IL1RAPL2: variants seen among roughly 807,000 people sequenced by gnomAD.
The protein encoded by IL1RAPL2 is interleukin 1 receptor accessory protein like 2, also known as X-linked interleukin-1 receptor accessory protein-like 2.
IL1RAPL2 carries 3 observed loss-of-function variants against 44.1 expected under a neutral mutation model. The ratio of observed to expected loss-of-function variants is 0.07; its 90% confidence interval spans 0.03 to 0.18. The LOEUF (loss-of-function observed/expected upper bound fraction) is 0.18, where lower values mean the gene tolerates loss of function less well. Among genes scored for constraint, IL1RAPL2 ranks in the 10% least tolerant of loss-of-function variants. The probability of loss-of-function intolerance (pLI) is 1.00; values close to 1 mark genes in which losing one functional copy is unlikely to be tolerated. For synonymous variants in IL1RAPL2, 181 were observed against 178.8 expected (o/e 1.01, Z -0.10); for missense variants, 391 against 496.4 (o/e 0.79, Z 2.02).
rs182949730 is a variant in IL1RAPL2 at position 105,608,772 on chromosome X, A to G, written c.773-108595A>G. On this transcript the variant is annotated intron_variant, in intron 6 of 10. Coordinates refer to ENST00000372582, the MANE Select transcript of IL1RAPL2 (RefSeq NM_017416.2). ...GCATGGCTAACCTAATTATTTACTA[A>G]CTTTAAGTAATTTATTATACTTAAA... is the stretch of plus-strand genomic sequence containing the variant. Among the ~76,000 whole-genome samples the G allele has an allele frequency of 9.8e-5, 11 of 112,172 alleles. No homozygotes were observed. In the East Asian group the frequency reaches 2.0e-3, roughly 20 times the overall value.
rs61197175 is a variant in IL1RAPL2, at chrX:104,748,932, TAGAA to T, written c.82+89941_82+89944del. 6.3e-3 allele frequency among the ~76,000 whole-genome samples: 696 copies of T among 111,191 alleles called. 3 individuals carry two copies. The highest frequency in any genetic ancestry group is 0.022 in the African/African-American group (660 of 30,661). ...TCAGATCTGCTGAGCACTGGAAAGTTAGAAAGATCTCAGTTCTTATATAGGGCCC... is the reference window on the plus strand; with the variant it reads ...TCAGATCTGCTGAGCACTGGAAAGTTAGATCTCAGTTCTTATATAGGGCCC... On this transcript the variant is annotated intron_variant, in intron 2 of 10. Coordinates refer to ENST00000372582, the MANE Select transcript of IL1RAPL2 (RefSeq NM_017416.2).
At chrX:105,527,436 T>TTGTG (rs10687485) in intron 6 of IL1RAPL2, among the ~76,000 whole-genome samples, 3,483 of 95,574 alleles carry the variant, frequency 0.036, 71 homozygotes, top group African/African-American at 0.06. Context: ...TGAGAGTGTG[T>TTGTG]TGTGTGTGTG....
At chrX:105,078,633 G>T (rs1280172081) in intron 2 of IL1RAPL2, among the ~76,000 whole-genome samples, 1 of 112,720 alleles carries the variant, frequency 8.9e-6, no homozygotes, top group Non-Finnish European at 1.9e-5. Context: ...CCCCAGAGGT[G>T]GAGCCTACAG....
At chrX:105,434,114 G>A (rs1038718970) in intron 5 of IL1RAPL2, among the ~76,000 whole-genome samples, 1 of 111,638 alleles carries the variant, frequency 9.0e-6, no homozygotes, top group African/African-American at 3.3e-5. Flanking sequence ...CTAAATAAGC[G>A]CATGAAAAGA....
At chrX:105,073,541 A>G (rs962476174) in intron 2 of IL1RAPL2, among the ~76,000 whole-genome samples, 1 of 110,627 alleles carries the variant, frequency 9.0e-6, no homozygotes, top group African/African-American at 3.3e-5. Context: ...ATGATTTATA[A>G]TCCTTTGGGT....
chrX:104,710,315 C>T (rs1332115353), intron 2 of IL1RAPL2, among the ~76,000 whole-genome samples: 5 of 111,091 alleles, frequency 4.5e-5, no homozygotes, highest in East Asian at 5.6e-4. Flanking sequence ...TAAAAGGTAA[C>T]GTACAATGTG....
rs1928500944 is a variant in IL1RAPL2 at position 104,585,277 on chromosome X, AT to A, written c.-20+18227del. On this transcript the variant is annotated intron_variant, in intron 1 of 10. Transcript: ENST00000372582. ...ATAATATATATATAATATATTATAT[AT>A]ATTATATAATATATTATATATTATA... Among the ~76,000 whole-genome samples the A allele has an allele frequency of 1.7e-4, 3 of 18,136 alleles. No individual in the cohort carries two copies. The African/African-American group carries it at 1.7e-3, about 10-fold the overall frequency. The allele number at this position is 18,136 out of a possible 115,157, so 15.7% of individuals were successfully genotyped here. A position where few individuals can be genotyped will look rare whatever the true frequency, so the allele number is the denominator to read the frequency against.
intron 2 of IL1RAPL2, among the ~76,000 whole-genome samples, chrX:104,663,236 G>A (rs1930433245): frequency 1.8e-5 from 2 of 111,332 alleles, no homozygotes; most frequent in Admixed American, 1.9e-4. Flanking sequence ...AACTGAGGAC[G>A]ACCATAAAGG....
chrX:105,567,155 G>A (rs1189190897), intron 6 of IL1RAPL2, among the ~76,000 whole-genome samples: 1 of 111,560 alleles, frequency 9.0e-6, no homozygotes, highest in Non-Finnish European at 1.9e-5. Flanking sequence ...GCATCTAAGA[G>A]CTAGAACTTA....
intron 2 of IL1RAPL2, among the ~76,000 whole-genome samples, chrX:104,864,905 C>T (rs1922578582): frequency 9.0e-6 from 1 of 110,951 alleles, no homozygotes; most frequent in Non-Finnish European, 1.9e-5. Flanking sequence ...TCACTGTGGT[C>T]CTCCAGTTAA....
chrX:104,781,761 GA>G (rs1183742892), intron 2 of IL1RAPL2, among the ~76,000 whole-genome samples: 2 of 112,391 alleles, frequency 1.8e-5, no homozygotes, highest in African/African-American at 6.5e-5. Flanking sequence ...CTAGCTGCAA[GA>G]AAAGCTGGCA....
At chrX:105,101,986 C>T (rs751755474) in intron 2 of IL1RAPL2, among the ~76,000 whole-genome samples, 35 of 112,004 alleles carry the variant, frequency 3.1e-4, no homozygotes, top group South Asian at 1.1e-3. Flanking sequence ...ATGCCTAATT[C>T]AGGAAATGAT....
chrX:105,474,571 A>G (rs1298938681), intron 5 of IL1RAPL2, among the ~76,000 whole-genome samples: 1 of 111,376 alleles, frequency 9.0e-6, no homozygotes, highest in African/African-American at 3.3e-5. Flanking sequence ...ACTGCCCCCA[A>G]CGAAGATATA....
At chrX:104,713,443 C>T (rs1931496550) in intron 2 of IL1RAPL2, among the ~76,000 whole-genome samples, 1 of 110,828 alleles carries the variant, frequency 9.0e-6, no homozygotes, top group Admixed American at 9.7e-5. Context: ...TCCCTTCCAC[C>T]TTACTCTTGT....
intron 5 of IL1RAPL2, among the ~76,000 whole-genome samples, chrX:105,460,722 G>C (rs1280973184): frequency 1.8e-5 from 2 of 111,567 alleles, no homozygotes; most frequent in Non-Finnish European, 3.8e-5. Context: ...GTTACCAATA[G>C]GCAAGAAAAG....
chrX:105,163,502 A>C (rs891519861), intron 2 of IL1RAPL2, among the ~76,000 whole-genome samples: 7 of 112,185 alleles, frequency 6.2e-5, no homozygotes, highest in African/African-American at 1.9e-4. Flanking sequence ...TTTTCTTGAA[A>C]GTTTGGAAGG....
intron 6 of IL1RAPL2, among the ~76,000 whole-genome samples, chrX:105,487,055 G>T (rs2036274344): frequency 1.0e-5 from 1 of 95,285 alleles, no homozygotes; most frequent in East Asian, 3.2e-4. Flanking sequence ...TCATGCCACT[G>T]CACTCCAGCC....
chrX:104,616,675 C>T (rs1403746480), intron 1 of IL1RAPL2, among the ~76,000 whole-genome samples: 1 of 111,723 alleles, frequency 9.0e-6, no homozygotes, highest in Non-Finnish European at 1.9e-5. Flanking sequence ...TTGTGGCCCC[C>T]ACCCAGGTAC....
At chrX:105,675,126 C>T (rs2037859301) in intron 6 of IL1RAPL2, among the ~76,000 whole-genome samples, 1 of 111,075 alleles carries the variant, frequency 9.0e-6, no homozygotes, top group African/African-American at 3.3e-5. Context: ...TTTTGATTTC[C>T]TCCCTTCCGA....
Sources: gnomAD v4.1 joint callset for allele counts (sites outside exome capture counted in the v4.1 genomes callset) on GRCh38, gnomAD v4.1.1 for gene constraint, MANE v1.5 for transcripts, NCBI Gene and HGNC (gene_info 2026-07-23, HGNC 2026-07-21) for gene names.